Variants in ADRA1B observed in about 807,000 individuals in gnomAD.
The protein encoded by ADRA1B is adrenoceptor alpha 1B.
A neutral mutation model predicts 17.9 loss-of-function variants in ADRA1B; 17 were observed. That is an observed-to-expected ratio of 0.95 (90% CI 0.65 to 1.42). The LOEUF is 1.42. Among genes scored for constraint, ADRA1B ranks in the 40% most tolerant of loss-of-function variants. The pLI is 0.00. For synonymous variants in ADRA1B, 366 were observed against 327.6 expected (o/e 1.12, Z -1.27); for missense variants, 681 against 722.1 (o/e 0.94, Z 0.65).
chr5:159,958,139 A>G (rs763283214), intron 1 of ADRA1B, among the ~76,000 whole-genome samples: 11 of 152,082 alleles, frequency 7.2e-5, no homozygotes, highest in African/African-American at 1.2e-4. Flanking sequence ...TTCTTATTTT[A>G]TACTTATAAA....
intron 1 of ADRA1B, among the ~76,000 whole-genome samples, chr5:159,970,410 A>C (rs1168391288): frequency 1.3e-5 from 2 of 152,206 alleles, no homozygotes; most frequent in Non-Finnish European, 2.9e-5. Flanking sequence ...GGTCATGCAG[A>C]CATGTCACCC....
At chr5:159,946,026 C>T (rs1400191446) in intron 1 of ADRA1B, among the ~76,000 whole-genome samples, 14 of 152,162 alleles carry the variant, frequency 9.2e-5, no homozygotes, top group African/African-American at 3.1e-4. Flanking sequence ...GGATTACAGG[C>T]GTGAGCCACC....
chr5:159,942,746 T>C (rs1755169661), intron 1 of ADRA1B, among the ~76,000 whole-genome samples: 1 of 152,112 alleles, frequency 6.6e-6, no homozygotes, highest in Non-Finnish European at 1.5e-5. Flanking sequence ...AAATATTCTA[T>C]TTTCTATGAG....
chr5:159,981,600 A>G, the ADRA1B span, among the ~76,000 whole-genome samples: 1 of 152,030 alleles, frequency 6.6e-6, no homozygotes, highest in Non-Finnish European at 1.5e-5. Context: ...GGTTCACACC[A>G]TTCTCCTGCC....
intron 1 of ADRA1B, among the ~76,000 whole-genome samples, chr5:159,956,767 C>G (rs1358830988): frequency 6.6e-6 from 1 of 152,192 alleles, no homozygotes; most frequent in East Asian, 1.9e-4. Context: ...ATTTACATCT[C>G]CGCCCAGAAT....
At chr5:159,904,026 G>A (rs1342658789) in intron 1 of ADRA1B, among the ~76,000 whole-genome samples, 4 of 152,180 alleles carry the variant, frequency 2.6e-5, no homozygotes, top group African/African-American at 9.7e-5. Flanking sequence ...TTGCCGAAAT[G>A]TTAACAACGA....
intron 1 of ADRA1B, among the ~76,000 whole-genome samples, chr5:159,904,529 G>A (rs1199347161): frequency 6.6e-6 from 1 of 152,164 alleles, no homozygotes; most frequent in East Asian, 1.9e-4. Flanking sequence ...TTAATGGAAG[G>A]CACCTCCTCA....
the ADRA1B span, among the ~76,000 whole-genome samples, chr5:159,987,149 C>T: frequency 6.6e-6 from 1 of 152,208 alleles, no homozygotes; most frequent in Non-Finnish European, 1.5e-5. Context: ...GAGCCCGGTT[C>T]CAGAAACCAA....
intron 1 of ADRA1B, among the ~76,000 whole-genome samples, chr5:159,947,420 G>A (rs1755306120): frequency 6.6e-6 from 1 of 152,082 alleles, no homozygotes; most frequent in Non-Finnish European, 1.5e-5. Flanking sequence ...CTCATAAGTG[G>A]CAGAGCTGAG....
chr5:159,881,947 G>A (rs767204688), intron 1 of ADRA1B, among the ~76,000 whole-genome samples: 6 of 152,224 alleles, frequency 3.9e-5, no homozygotes, highest in Admixed American at 1.3e-4. Context: ...CTCAGGCTTC[G>A]CTTTTGCAGA....
Position 159,972,264 on chromosome 5 carries a change from C to A in ADRA1B, c.1335C>A (p.Pro445=), listed in dbSNP as rs774975421. 70 of 1,345,514 alleles carry A rather than the reference C, an allele frequency of 5.2e-5. No individual in the cohort carries two copies. In the Middle Eastern group the frequency reaches 8.3e-4, roughly 16 times the overall value. The allele number at this position is 1,345,514 out of a possible 1,614,324, so 83.3% of individuals were successfully genotyped here. The stretch of plus-strand genomic sequence containing the variant: ...CGCCAGTCGAGCTGTGCGCCTTCCC[C>A]GAGTGGAAGGCGCCCGGCGCCCTCC... The part of the protein sequence containing the change: ...APPPVELCAF[P]EWKAPGALLS... Residue 445 remains proline (P), a synonymous_variant, in exon 2 of 2, where the codon CCC becomes CCA. Coordinates refer to ENST00000306675, the MANE Select transcript of ADRA1B (RefSeq NM_000679.4).
At chr5:159,909,227 T>C (rs1754198933) in intron 1 of ADRA1B, among the ~76,000 whole-genome samples, 1 of 152,152 alleles carries the variant, frequency 6.6e-6, no homozygotes, top group Non-Finnish European at 1.5e-5. Context: ...CACATGCTAT[T>C]TCCCAAGCAA....
At chr5:159,924,641 C>T (rs1450045165) in intron 1 of ADRA1B, among the ~76,000 whole-genome samples, 1 of 152,096 alleles carries the variant, frequency 6.6e-6, no homozygotes, top group African/African-American at 2.4e-5. Flanking sequence ...TGGCACCCAC[C>T]CCTGCTGGAG....
chr5:159,950,964 C>A, intron 1 of ADRA1B: 1 of 592,600 alleles, frequency 1.7e-6, no homozygotes. Context: ...GCAGTGATGG[C>A]GTGGACTGTA....
intron 1 of ADRA1B, among the ~76,000 whole-genome samples, chr5:159,872,296 G>A (rs775773424): frequency 2.0e-5 from 3 of 152,194 alleles, no homozygotes; most frequent in Non-Finnish European, 4.4e-5. Context: ...ACCACCTGAA[G>A]CAGGGAGGGA....
At chr5:159,865,463 T>A (rs1301799368) in intron 1 of ADRA1B, among the ~76,000 whole-genome samples, 4 of 152,218 alleles carry the variant, frequency 2.6e-5, no homozygotes, top group African/African-American at 9.6e-5. Flanking sequence ...GTAACTCGCA[T>A]GGTTTGTAGC....
downstream of ADRA1B, among the ~76,000 whole-genome samples, chr5:159,974,216 C>G (rs1208018693): frequency 6.6e-6 from 1 of 152,194 alleles, no homozygotes; most frequent in Non-Finnish European, 1.5e-5. Flanking sequence ...TCTTTTAGTT[C>G]TGCTTATCTT....
chr5:159,983,867 C>T, the ADRA1B span, among the ~76,000 whole-genome samples: 3 of 152,064 alleles, frequency 2.0e-5, no homozygotes, highest in Non-Finnish European at 2.9e-5. Flanking sequence ...AAGCACTCCA[C>T]GTTTATACTC....
rs1755883447 is a variant in ADRA1B, at chr5:159,972,116, C to A, written c.1187C>A (p.Ser396Ter). 3.0e-6 allele frequency: 4 copies of A among 1,316,646 alleles called. No individual in the cohort carries two copies. Among genetic ancestry groups the A allele is most frequent in the Non-Finnish European group, 3.9e-6 (4 of 1,023,996 alleles). The allele number at this position is 1,316,646 out of a possible 1,614,324, so 81.6% of individuals were successfully genotyped here. The change falls in exon 2 of 2, where the codon TCG (serine) becomes TAG (stop). Residue 396 changes from serine to a stop codon, truncating the protein, a stop_gained. Coordinates refer to ENST00000306675, the MANE Select transcript of ADRA1B (RefSeq NM_000679.4). LOFTEE classifies it low-confidence loss of function (END_TRUNC). ...YTYRPWTRGG[S>*]LERSQSRKDS... ...TACCGGCCGTGGACGCGCGGCGGCT[C>A]GCTGGAGCGCTCGCAGTCGCGCAAG... is the stretch of plus-strand genomic sequence containing the variant.
Sources: allele counts gnomAD v4.1 joint callset (sites outside exome capture counted in the v4.1 genomes callset), GRCh38; gene constraint gnomAD v4.1.1; transcripts MANE v1.5; gene names NCBI Gene and HGNC (gene_info 2026-07-23, HGNC 2026-07-21).